The following NGRN variants were observed in gnomAD, a reference collection of about 807,000 sequenced individuals.
The protein encoded by NGRN is neugrin.
Under a neutral mutation model 13.1 loss-of-function variants are expected in NGRN, and 12 were observed. The ratio of observed to expected loss-of-function variants is 0.92; its 90% CI spans 0.59 to 1.49. The LOEUF is 1.49. Among genes scored for constraint, NGRN ranks in the 40% most tolerant of loss-of-function variants. The pLI is 0.00. For synonymous variants in NGRN, 149 were observed against 145.8 expected, an observed-to-expected ratio of 1.02 and a Z score of -0.16; for missense variants, 397 against 357.0, an observed-to-expected ratio of 1.11 and a Z score of -0.90.
intron 1 of NGRN, 71 bp downstream of exon 1, chr15:90,265,947 T>C (rs1252067588): frequency 7.0e-7 from 1 of 1,431,036 alleles, no homozygotes; most frequent in East Asian, 2.7e-5. Flanking sequence ...CCGCGCCCCC[T>C]TGGCGCCGGG....
chr15:90,271,220 C>T lies in NGRN; in HGVS notation c.308C>T (p.Ser103Leu), dbSNP rs779394011. Residue 103 changes from serine to leucine, a missense_variant, in exon 3 of 3, where the codon TCA (serine) becomes TTA (leucine). Transcript: ENST00000379095. ...CATGAGGAATTTCCAGAGTCCTGGTCAGTTCCCAGGTTGGCTGAAGGCTTT... is the reference window on the plus strand; with the variant it reads ...CATGAGGAATTTCCAGAGTCCTGGTTAGTTCCCAGGTTGGCTGAAGGCTTT... Reference protein sequence around the residue: ...YLHEEFPESWSVPRLAEGFDV... With the variant: ...YLHEEFPESWLVPRLAEGFDV... 6.2e-7 allele frequency: 1 copy of T among 1,613,942 alleles called. No homozygotes were observed.
At chr15:90,270,806 A>G (rs1358916385) in intron 2 of NGRN, among the ~76,000 whole-genome samples, 2 of 152,180 alleles carry the variant, frequency 1.3e-5, no homozygotes, top group Non-Finnish European at 2.9e-5. Context: ...CAAGATAGGG[A>G]CTACATTTGC....
chr15:90,268,827 G>T (rs557924714), intron 2 of NGRN, among the ~76,000 whole-genome samples: 19 of 150,726 alleles, frequency 1.3e-4, no homozygotes, highest in Non-Finnish European at 2.5e-4. Context: ...ACAGGATTTT[G>T]CCATGTTGCC....
At position 90,265,936 on chromosome 15, in the gene NGRN, G is replaced by A. The variant is rs998276159; in HGVS notation, c.164+60G>A. On this transcript the variant is annotated intron_variant, in intron 1 of 2. Coordinates refer to ENST00000379095, the MANE Select transcript of NGRN (RefSeq NM_001033088.3). ...AGGGCCTCGTGCCCCGGCGCTCCAG[G>A]CCGCGCCCCCTTGGCGCCGGGTGTC... 20 of 1,432,862 alleles carry A rather than the reference G, an allele frequency of 1.4e-5. No individual in the cohort carries two copies. In the African/African-American group the frequency reaches 2.8e-4, roughly 20 times the overall value. 88.8% of individuals were successfully genotyped at this position (1,432,862 alleles called of 1,614,324 possible).
chr15:90,272,040 G>A lies in NGRN; in HGVS notation c.*252G>A, dbSNP rs1395475297. On this transcript the variant is annotated 3_prime_UTR_variant, in exon 3 of 3. Transcript: ENST00000379095. Reference sequence around the variant, plus strand: ...CTCTCTGTGTGTTGAAAGCCATCCCGTGTTGCATGTGTTGTTACAATTTTC... The same window carrying A: ...CTCTCTGTGTGTTGAAAGCCATCCCATGTTGCATGTGTTGTTACAATTTTC... The A allele has an allele frequency of 1.3e-5, 6 of 452,186 alleles. No homozygotes were observed. Among genetic ancestry groups the A allele is most frequent in the African/African-American group, 7.7e-5 (4 of 51,964 alleles). The allele number at this position is 452,186 out of a possible 1,614,324, so 28.0% of individuals were successfully genotyped here.
At chr15:90,271,157 C>T in intron 2 of NGRN, 31 bp from the exon 3 acceptor site, 7 of 1,590,150 alleles carry the variant, frequency 4.4e-6, no homozygotes, top group Non-Finnish European at 5.1e-6. Context: ...GACTTCTTCA[C>T]AACTTGCAAA....
chr15:90,265,829 C>T lies in NGRN; in HGVS notation c.117C>T (p.Pro39=). The change falls in exon 1 of 3, where the codon CCC becomes CCT. Residue 39 remains proline, a synonymous_variant. Coordinates refer to ENST00000379095, the MANE Select transcript of NGRN (RefSeq NM_001033088.3). The part of the protein sequence containing the change: ...GPGPIGREPD[P]DSDWEPEERE... The stretch of plus-strand genomic sequence containing the variant: ...GCCCTATTGGCCGGGAGCCGGACCC[C>T]GATTCCGACTGGGAGCCGGAGGAAC... 1 of 1,609,046 alleles carries T rather than the reference C, an allele frequency of 6.2e-7. No individual in the cohort carries two copies. The highest frequency in any genetic ancestry group is 1.7e-5 in the Admixed American group (1 of 59,466).
intron 1 of NGRN, 85 bp downstream of exon 1, chr15:90,265,961 C>G: frequency 7.0e-7 from 1 of 1,427,888 alleles, no homozygotes; most frequent in South Asian, 1.5e-5. Flanking sequence ...CGCCGGGTGT[C>G]CTGCCGCTGC....
At position 90,271,900 on chromosome 15, in the gene NGRN, G is replaced by C; in HGVS notation, c.*112G>C. The C allele has an allele frequency of 6.9e-7, 1 of 1,442,750 alleles. No homozygotes were observed. Among genetic ancestry groups the C allele is most frequent in the Non-Finnish European group, 9.4e-7 (1 of 1,067,568 alleles). 89.4% of individuals were successfully genotyped at this position (1,442,750 alleles called of 1,614,324 possible). A position where few individuals can be genotyped will look rare whatever the true frequency, so the allele number is the denominator to read the frequency against. On this transcript the variant is annotated 3_prime_UTR_variant, in exon 3 of 3. Transcript: ENST00000379095. Reference sequence around the variant, plus strand: ...GATAAGCCACCTTGGAATAGGAAGAGGTGTTGAGCCTGGACTGTGGGAGGA... The same window carrying C: ...GATAAGCCACCTTGGAATAGGAAGACGTGTTGAGCCTGGACTGTGGGAGGA...
intron 2 of NGRN, 102 bp from the exon 3 acceptor site, chr15:90,271,086 A>T: frequency 7.3e-7 from 1 of 1,362,944 alleles, no homozygotes; most frequent in South Asian, 1.4e-5. Flanking sequence ...GTGAGCCACC[A>T]TGCCAGGCCT....
chr15:90,270,305 CCTCA>C lies in NGRN; in HGVS notation c.276-880_276-877del, dbSNP rs1342198649. ...CCCCTAAGTGTGATCTACTTCTTAC[CCTCA>C]CTGTCAGTTGAGTTATTCCCAACAA... On this transcript the variant is annotated intron_variant, in intron 2 of 2. Coordinates refer to ENST00000379095, the MANE Select transcript of NGRN (RefSeq NM_001033088.3). 2.0e-5 allele frequency among the ~76,000 whole-genome samples: 3 copies of C among 152,282 alleles called. 1 individual carries two copies. The highest frequency in any genetic ancestry group is 1.5e-5 in the Non-Finnish European group (1 of 68,016).
chr15:90,268,702 G>T (rs1193431366), intron 2 of NGRN, among the ~76,000 whole-genome samples: 3 of 151,990 alleles, frequency 2.0e-5, no homozygotes, highest in Admixed American at 2.0e-4. Flanking sequence ...GACTTCCTCA[G>T]TGCTAGGCTC....
chr15:90,271,424 G>T lies in NGRN; in HGVS notation c.512G>T (p.Gly171Val). 1 of 1,614,006 alleles carries T rather than the reference G, an allele frequency of 6.2e-7. No individual in the cohort carries two copies. Among genetic ancestry groups the T allele is most frequent in the Non-Finnish European group, 8.5e-7 (1 of 1,179,970 alleles). The change falls in exon 3 of 3, where the codon GGC (glycine) becomes GTC (valine). Residue 171 changes from glycine to valine, a missense_variant. By Grantham distance (109) the Gly-to-Val change is moderately radical. Transcript: ENST00000379095. ...KLLPAGHSVS[G>V]SLLMPGHEAS... ...CTCCCTGCAGGCCACTCTGTATCAG[G>T]CTCTTTGCTTATGCCAGGGCATGAA... is the stretch of plus-strand genomic sequence containing the variant.
In NGRN at chr15:90,268,868, G is replaced by A. The variant is rs915917079; in HGVS notation, c.276-2320G>A. On this transcript the variant is annotated intron_variant, in intron 2 of 2. Coordinates refer to ENST00000379095, the MANE Select transcript of NGRN (RefSeq NM_001033088.3). ...TGGTCTCCAGTTTCTGAGCTCAAGC[G>A]ATCTGCCTGCCTTGGCCTCCCAAAG... is the stretch of plus-strand genomic sequence containing the variant. Among the ~76,000 whole-genome samples the A allele has an allele frequency of 2.7e-5, 4 of 150,006 alleles. No individual in the cohort carries two copies. The East Asian group carries it at 5.8e-4, about 22-fold the overall frequency.
At chr15:90,268,570 A>G (rs16944108) in intron 2 of NGRN, among the ~76,000 whole-genome samples, 9,854 of 151,974 alleles carry the variant, frequency 0.065, 1,065 homozygotes, top group African/African-American at 0.22. Context: ...AGATTACTCA[A>G]GGACCTCTGT....
intron 1 of NGRN, 155 bp downstream of exon 1, chr15:90,266,031 G>T: frequency 7.2e-7 from 1 of 1,392,934 alleles, no homozygotes; most frequent in South Asian, 1.6e-5. Flanking sequence ...CAGGTGTTCA[G>T]CTCCCCTGGG....
intron 2 of NGRN, among the ~76,000 whole-genome samples, chr15:90,266,961 C>T (rs1179931031): frequency 6.6e-6 from 1 of 151,282 alleles, no homozygotes; most frequent in Non-Finnish European, 1.5e-5. Context: ...TTACATATGG[C>T]TCAACCTAAC....
intron 2 of NGRN, among the ~76,000 whole-genome samples, chr15:90,267,768 A>T (rs145397371): frequency 2.6e-5 from 4 of 152,388 alleles, no homozygotes; most frequent in African/African-American, 9.6e-5. Context: ...TGCCAGGAAT[A>T]TTTGTTATAT....
rs149566078 is a variant in NGRN at position 90,266,160 on chromosome 15, G to T, written c.165-128G>T. The T allele has an allele frequency of 5.3e-4, 785 of 1,473,282 alleles. 5 individuals are homozygous for T. The highest frequency in any genetic ancestry group is 2.8e-3 in the East Asian group (113 of 40,452). The allele number at this position is 1,473,282 out of a possible 1,614,324, so 91.3% of individuals were successfully genotyped here. On this transcript the variant is annotated intron_variant, in intron 1 of 2. Transcript: ENST00000379095. ...GGGTGTACGGAGCAGCTCTAAGCCG[G>T]CAACATGGCCCGGTTGCCCTTGCGA... is the stretch of plus-strand genomic sequence containing the variant.
Sources: gnomAD v4.1 joint callset for allele counts (sites outside exome capture counted in the v4.1 genomes callset) on GRCh38, gnomAD v4.1.1 for gene constraint, MANE v1.5 for transcripts, NCBI Gene and HGNC (gene_info 2026-07-23, HGNC 2026-07-21) for gene names.